Variants in NCKAP5 observed in about 807,000 individuals in gnomAD.
NCKAP5 encodes the protein NCK associated protein 5, also known as nck-associated protein 5.
In NCKAP5, 92 loss-of-function variants were observed where a neutral mutation model predicts 167.0. That is an observed-to-expected ratio of 0.55 (90% confidence interval 0.47 to 0.66). The LOEUF is 0.66. Among genes scored for constraint, NCKAP5 ranks in the 30% least tolerant of loss-of-function variants. The pLI is 0.00. For missense variants in NCKAP5, 2,378 were observed against 2,315.0 expected, an observed-to-expected ratio of 1.03 and a Z score of -0.56; for synonymous variants, 891 against 877.4, an observed-to-expected ratio of 1.02 and a Z score of -0.27.
At chr2:133,669,855 C>T in the NCKAP5 span, among the ~76,000 whole-genome samples, 3 of 152,178 alleles carry the variant, frequency 2.0e-5, no homozygotes, top group Non-Finnish European at 4.4e-5. Context: ...TATCTATAGA[C>T]CCACAGATTT....
At chr2:133,661,584 T>C in the NCKAP5 span, among the ~76,000 whole-genome samples, 1 of 152,222 alleles carries the variant, frequency 6.6e-6, no homozygotes, top group Non-Finnish European at 1.5e-5. Context: ...CCCACACTCA[T>C]GAATCCCTGC....
the NCKAP5 span, among the ~76,000 whole-genome samples, chr2:133,648,734 T>C: frequency 6.6e-6 from 1 of 151,974 alleles, no homozygotes; most frequent in South Asian, 2.1e-4. Flanking sequence ...AAAACTTATG[T>C]TGTGCAGCAA....
chr2:133,662,731 A>T, the NCKAP5 span, among the ~76,000 whole-genome samples: 2 of 150,818 alleles, frequency 1.3e-5, no homozygotes, highest in South Asian at 2.1e-4. Flanking sequence ...GGTATTTATT[A>T]AAAATAATTT....
At chr2:133,506,841 A>G (rs778811197) in intron 3 of NCKAP5, among the ~76,000 whole-genome samples, 12 of 152,192 alleles carry the variant, frequency 7.9e-5, no homozygotes, top group Non-Finnish European at 1.6e-4. Flanking sequence ...AGTAAACAAT[A>G]AAACAATATT....
rs576242111 is a variant in NCKAP5 at position 132,759,027 on chromosome 2, A to G, written c.5128+14789T>C. 3.8e-4 allele frequency among the ~76,000 whole-genome samples: 58 copies of G among 152,224 alleles called. 1 individual carries two copies. In the South Asian group the frequency reaches 8.1e-3, roughly 21 times the overall value. On this transcript the variant is annotated intron_variant, in intron 16 of 19. Coordinates refer to ENST00000409261, the MANE Select transcript of NCKAP5 (RefSeq NM_207363.3). ...CTATCTTGTTAATTTCATGTTATTCATTAATTTGCTGTTTGTTCCTTCTTA... is the reference window on the plus strand; with the variant it reads ...CTATCTTGTTAATTTCATGTTATTCGTTAATTTGCTGTTTGTTCCTTCTTA...
intron 6 of NCKAP5, among the ~76,000 whole-genome samples, chr2:133,127,102 G>T (rs2082428010): frequency 6.6e-6 from 1 of 152,074 alleles, no homozygotes; most frequent in Admixed American, 6.5e-5. Flanking sequence ...TAATTCAACA[G>T]AATAATTTAT....
At chr2:133,527,591 G>T (rs1685028275) in intron 2 of NCKAP5, among the ~76,000 whole-genome samples, 1 of 149,374 alleles carries the variant, frequency 6.7e-6, no homozygotes, top group Non-Finnish European at 1.5e-5. Flanking sequence ...ACAATAGGAA[G>T]AATTTTTAGT....
intron 4 of NCKAP5, among the ~76,000 whole-genome samples, chr2:133,273,973 C>CA (rs397872263): frequency 0.29 from 35,809 of 123,544 alleles, 4,686 homozygotes; most frequent in Middle Eastern, 0.35. Flanking sequence ...GTTTGTCTAC[C>CA]AAAAAAAAAA....
rs868832937 is a variant in NCKAP5, at chr2:133,441,642, T to G, written c.69+75816A>C. ...GTGAACTCAGCAACAAAATGAAAAATAAACTAAGATAATAAACTTACTTTG... is the reference window on the plus strand; with the variant it reads ...GTGAACTCAGCAACAAAATGAAAAAGAAACTAAGATAATAAACTTACTTTG... On this transcript the variant is annotated intron_variant, in intron 3 of 19. Transcript: ENST00000409261. Among the ~76,000 whole-genome samples, 20 of 152,284 alleles carry G rather than the reference T, an allele frequency of 1.3e-4. No homozygotes were observed. The South Asian group carries it at 3.1e-3, about 24-fold the overall frequency.
chr2:133,047,613 G>T (rs1174636333), intron 6 of NCKAP5, among the ~76,000 whole-genome samples: 1 of 152,104 alleles, frequency 6.6e-6, no homozygotes, highest in Non-Finnish European at 1.5e-5. Context: ...TAATTGCCTG[G>T]ATGATAATGA....
chr2:133,184,885 T>C (rs2084880466), intron 5 of NCKAP5, among the ~76,000 whole-genome samples: 1 of 152,154 alleles, frequency 6.6e-6, no homozygotes. Flanking sequence ...AGATGCATAG[T>C]TTGCAAATAT....
At chr2:133,130,861 T>C (rs1458746580) in intron 5 of NCKAP5, among the ~76,000 whole-genome samples, 1 of 152,192 alleles carries the variant, frequency 6.6e-6, no homozygotes, top group African/African-American at 2.4e-5. Context: ...GTTGTTGTTG[T>C]TGTTGCCTTT....
At chr2:133,148,811 G>A (rs2083289373) in intron 5 of NCKAP5, among the ~76,000 whole-genome samples, 1 of 151,972 alleles carries the variant, frequency 6.6e-6, no homozygotes, top group South Asian at 2.1e-4. Context: ...TGACCTAACT[G>A]CCTCTTAAAG....
the NCKAP5 span, among the ~76,000 whole-genome samples, chr2:133,612,316 A>G: frequency 2.0e-5 from 3 of 152,214 alleles, no homozygotes; most frequent in Non-Finnish European, 4.4e-5. Context: ...TTCACAACAA[A>G]TGACACAATT....
intron 7 of NCKAP5, among the ~76,000 whole-genome samples, chr2:132,969,262 T>C (rs1435764557): frequency 6.6e-6 from 1 of 152,128 alleles, no homozygotes; most frequent in East Asian, 1.9e-4. Context: ...GGTCTGTAAC[T>C]CCTGACCTCA....
Position 132,783,946 on chromosome 2 carries a change from C to G in NCKAP5, c.2865G>C (p.Lys955Asn). The G allele has an allele frequency of 6.3e-7, 1 of 1,588,134 alleles. No homozygotes were observed. The highest frequency in any genetic ancestry group is 1.2e-5 in the South Asian group (1 of 86,612). The stretch of plus-strand genomic sequence containing the variant: ...TTTCACTGGGGACCCTGGTTTCGGA[C>G]TTGGTGGATGAAGGTGCTGGTGAAT... The part of the protein sequence containing the change: ...YDYSPAPSST[K>N]SETRVPSETA... The change falls in exon 14 of 20, where the codon AAG becomes AAC. Residue 955 changes from lysine (K) to asparagine (N), a missense_variant. Transcript: ENST00000409261.
chr2:132,974,358 A>C (rs1298944919), intron 7 of NCKAP5, among the ~76,000 whole-genome samples: 1 of 152,218 alleles, frequency 6.6e-6, no homozygotes, highest in East Asian at 1.9e-4. Context: ...TTAAAATGAA[A>C]TATGCTCTTT....
chr2:133,520,250 A>G (rs1684362200), intron 2 of NCKAP5, among the ~76,000 whole-genome samples: 1 of 152,172 alleles, frequency 6.6e-6, no homozygotes, highest in Non-Finnish European at 1.5e-5. Flanking sequence ...GGAAGAAAAT[A>G]GCCAGGAAGA....
chr2:133,076,560 A>C (rs2080610411), intron 6 of NCKAP5, among the ~76,000 whole-genome samples: 2 of 152,192 alleles, frequency 1.3e-5, no homozygotes, highest in African/African-American at 2.4e-5. Context: ...TGGAACAGAA[A>C]CTCAAATTAA....
Sources: gnomAD v4.1 joint callset for allele counts (sites outside exome capture counted in the v4.1 genomes callset) on GRCh38, gnomAD v4.1.1 for gene constraint, MANE v1.5 for transcripts, NCBI Gene and HGNC (gene_info 2026-07-23, HGNC 2026-07-21) for gene names.